Variants in CEP170 observed in about 807,000 individuals in gnomAD.
CEP170 encodes the protein centrosomal protein of 170 kDa.
CEP170 carries 21 observed loss-of-function variants against 151.9 expected under a neutral mutation model. The ratio of observed to expected loss-of-function variants is 0.14; its 90% CI spans 0.10 to 0.20. The LOEUF is 0.20. Among genes scored for constraint, CEP170 ranks in the 10% least tolerant of loss-of-function variants. The pLI, the probability that CEP170 is intolerant of heterozygous loss-of-function variation, is 1.00. For missense variants in CEP170, 964 were observed against 1,892.9 expected, an observed-to-expected ratio of 0.51 and a Z score of 9.11; for synonymous variants, 356 against 648.8, an observed-to-expected ratio of 0.55 and a Z score of 6.86.
chr1:243,153,157 C>G (rs2057265570), intron 14 of CEP170, among the ~76,000 whole-genome samples: 1 of 152,116 alleles, frequency 6.6e-6, no homozygotes, highest in South Asian at 2.1e-4. Flanking sequence ...GAAGTGAAGC[C>G]TGAATATGGG....
At chr1:243,249,168 G>A (rs909935400) in intron 1 of CEP170, among the ~76,000 whole-genome samples, 2 of 152,132 alleles carry the variant, frequency 1.3e-5, no homozygotes, top group South Asian at 2.1e-4. Context: ...GTTCATGCCT[G>A]TAATACTAGA....
At chr1:243,211,681 G>A (rs1205916713) in intron 4 of CEP170, 2 of 526,890 alleles carry the variant, frequency 3.8e-6, no homozygotes, top group Non-Finnish European at 6.5e-6. Flanking sequence ...GAAAAAAAAA[G>A]CTGAGTCCAC....
At chr1:243,144,828 G>A (rs1463022358) in intron 14 of CEP170, among the ~76,000 whole-genome samples, 1 of 152,148 alleles carries the variant, frequency 6.6e-6, no homozygotes, top group Non-Finnish European at 1.5e-5. Context: ...ATATGGATAA[G>A]AAAATAGTGC....
At position 243,164,701 on chromosome 1, in the gene CEP170, T is replaced by C. The variant is rs1390375888; in HGVS notation, c.3259A>G (p.Ser1087Gly). 4 of 1,613,624 alleles carry C rather than the reference T, an allele frequency of 2.5e-6. No individual in the cohort carries two copies. In the African/African-American group the frequency reaches 4.0e-5, roughly 16 times the overall value. Residue 1087 changes from serine (S) to glycine (G), a missense_variant, in exon 13 of 20, where the codon AGT (serine) becomes GGT (glycine). Transcript: ENST00000366542. ...KTSPVVSGSSSKSTTLPRPRP... is the reference protein window; with the variant it reads ...KTSPVVSGSSGKSTTLPRPRP... ...GGCCTTGGAAGGGTGGTTGATTTAC[T>C]AGATGAACCAGATACCACCGGAGAA...
intron 6 of CEP170, among the ~76,000 whole-genome samples, 164 bp from the exon 7 acceptor site, chr1:243,199,358 G>A (rs2060873375): frequency 6.6e-6 from 1 of 152,138 alleles, no homozygotes. Flanking sequence ...ATTTGTGGAA[G>A]ATCTTATACA....
Position 243,191,336 on chromosome 1 carries a change from T to C in CEP170, c.790A>G (p.Thr264Ala). 6.2e-7 allele frequency: 1 copy of C among 1,613,200 alleles called. No homozygotes were observed. The highest frequency in any genetic ancestry group is 8.5e-7 in the Non-Finnish European group (1 of 1,179,560). Residue 264 changes from threonine to alanine, a missense_variant, in exon 8 of 20, where the codon ACA becomes GCA. Physicochemically the swap from Thr to Ala is moderately conservative, Grantham distance 58. Transcript: ENST00000366542. ...ITESTIHEIP[T>A]KDTPSSHITG... ...ATATGGGAACTTGGCGTGTCTTTTG[T>C]TGGGATTTCATGAATAGTGCTTTCT...
intron 1 of CEP170, among the ~76,000 whole-genome samples, chr1:243,226,056 T>C (rs1572472643): frequency 3.3e-4 from 4 of 12,110 alleles, no homozygotes; most frequent in African/African-American, 2.8e-4. Context: ...TATATATATC[T>C]AGATATATAT....
intron 16 of CEP170, 29 bp downstream of exon 16, chr1:243,139,907 GC>G: frequency 6.2e-7 from 1 of 1,602,656 alleles, no homozygotes; most frequent in Middle Eastern, 1.7e-4. Flanking sequence ...TGCTGCTTCT[GC>G]CACATGTTAA....
intron 1 of CEP170, among the ~76,000 whole-genome samples, chr1:243,241,836 C>T (rs1396043563): frequency 6.7e-6 from 1 of 150,156 alleles, no homozygotes; most frequent in African/African-American, 2.5e-5. Context: ...CTCAAATAGA[C>T]TCCTTCAGCT....
At chr1:243,182,598 G>A (rs879214612) in intron 10 of CEP170, among the ~76,000 whole-genome samples, 1 of 152,132 alleles carries the variant, frequency 6.6e-6, no homozygotes, top group South Asian at 2.1e-4. Flanking sequence ...CACTGCCTTC[G>A]GCATTAAAGT....
chr1:243,226,778 T>A (rs2063335381), intron 1 of CEP170, among the ~76,000 whole-genome samples: 1 of 151,986 alleles, frequency 6.6e-6, no homozygotes, highest in African/African-American at 2.4e-5. Context: ...TCACCTGAGG[T>A]CAGGAGCTCA....
chr1:243,252,438 G>A (rs1358150279), intron 1 of CEP170, among the ~76,000 whole-genome samples: 2 of 152,094 alleles, frequency 1.3e-5, no homozygotes, highest in Non-Finnish European at 2.9e-5. Flanking sequence ...TTTAGTACTA[G>A]ATGAGCATTA....
intron 7 of CEP170, among the ~76,000 whole-genome samples, chr1:243,192,750 C>T (rs956836342): frequency 6.6e-6 from 1 of 152,216 alleles, no homozygotes; most frequent in African/African-American, 2.4e-5. Flanking sequence ...TTCTTGACAG[C>T]AGTCTGAATA....
rs939190973 is a variant in CEP170, at chr1:243,125,379, C to A, written c.*1070G>T. On this transcript the variant is annotated 3_prime_UTR_variant, in exon 20 of 20. Transcript: ENST00000366542. The stretch of plus-strand genomic sequence containing the variant: ...AGACAGACAGCATTTACTATTGAGT[C>A]CTACAGGGAAACACACAGAAGCAAT... The A allele has an allele frequency of 2.1e-4, 32 of 152,556 alleles. No individual in the cohort carries two copies. The highest frequency in any genetic ancestry group is 7.0e-4 in the African/African-American group (29 of 41,410). 9.5% of individuals were successfully genotyped at this position (152,556 alleles called of 1,614,324 possible).
Position 243,140,070 on chromosome 1 carries a change from C to T in CEP170, c.4097G>A (p.Arg1366Gln), listed in dbSNP as rs745711429. 7.4e-6 allele frequency: 12 copies of T among 1,613,716 alleles called. No individual in the cohort carries two copies. Among genetic ancestry groups the T allele is most frequent in the Non-Finnish European group, 1.0e-5 (12 of 1,179,740 alleles). The change falls in exon 16 of 20, where the codon CGA (arginine) becomes CAA (glutamine). Residue 1366 changes from arginine (R) to glutamine (Q), a missense_variant. Arg to Gln is a conservative substitution (Grantham distance 43, BLOSUM62 1). Transcript: ENST00000366542. ...GGAATGAACTAATGGAGGAATCTTT[C>T]GGAAGTTGAGGCTTTCATCAAAAAC... is the stretch of plus-strand genomic sequence containing the variant. ...DRVFDESLNFRKIPPLVHSKT... is the reference protein window; with the variant it reads ...DRVFDESLNFQKIPPLVHSKT...
chr1:243,156,089 C>T (rs1046698402), intron 14 of CEP170, 132 bp downstream of exon 14: 122 of 1,247,526 alleles, frequency 9.8e-5, no homozygotes, highest in Middle Eastern at 5.3e-4. Context: ...ACTGACTAAA[C>T]GGAGTTCACA....
intron 11 of CEP170, 46 bp from the exon 12 acceptor site, chr1:243,169,800 T>C: frequency 1.9e-6 from 3 of 1,571,752 alleles, no homozygotes; most frequent in Non-Finnish European, 2.6e-6. Context: ...CCTGGTCATA[T>C]CTGAGTCTCA....
At chr1:243,173,985 T>C (rs536002685) in intron 10 of CEP170, among the ~76,000 whole-genome samples, 1 of 152,192 alleles carries the variant, frequency 6.6e-6, no homozygotes, top group African/African-American at 2.4e-5. Flanking sequence ...AATTGCGACA[T>C]AGTAGATAGC....
chr1:243,231,190 C>CATCATCATT (rs368164323), intron 1 of CEP170, among the ~76,000 whole-genome samples: 5,278 of 124,850 alleles, frequency 0.042, 151 homozygotes, highest in Non-Finnish European at 0.058. Flanking sequence ...TCATCATCAT[C>CATCATCATT]ATTATTATTA....
Sources: allele counts gnomAD v4.1 joint callset (sites outside exome capture counted in the v4.1 genomes callset), GRCh38; gene constraint gnomAD v4.1.1; transcripts MANE v1.5; gene names NCBI Gene and HGNC (gene_info 2026-07-23, HGNC 2026-07-21).